The following FGF14 variants were observed in gnomAD, a reference collection of about 807,000 sequenced individuals.
The protein encoded by FGF14 is fibroblast growth factor homologous factor 4.
A neutral mutation model predicts 25.5 loss-of-function variants in FGF14; 5 were observed. The ratio of observed to expected loss-of-function variants is 0.20; its 90% CI spans 0.10 to 0.41. FGF14 has a LOEUF of 0.41. FGF14 is among the 10% of genes least tolerant of loss of function. FGF14 has a pLI of 1.00. For missense variants in FGF14, 222 were observed against 320.1 expected (o/e 0.69, Z 2.34); for synonymous variants, 138 against 118.3 (o/e 1.17, Z -1.08).
intron 1 of FGF14, among the ~76,000 whole-genome samples, chr13:102,252,026 G>A (rs1594587856): frequency 6.6e-6 from 1 of 152,158 alleles, no homozygotes; most frequent in East Asian, 1.9e-4. Context: ...CAGTCACAAT[G>A]TTTTACTGAT....
At chr13:101,961,372 T>C (rs2139459873) in intron 1 of FGF14, among the ~76,000 whole-genome samples, 1 of 152,306 alleles carries the variant, frequency 6.6e-6, no homozygotes, top group African/African-American at 2.4e-5. Context: ...GTAATACATG[T>C]AAGGAAGAGG....
intron 1 of FGF14, among the ~76,000 whole-genome samples, chr13:102,038,020 G>A (rs759364714): frequency 2.6e-5 from 4 of 152,118 alleles, no homozygotes; most frequent in Non-Finnish European, 5.9e-5. Context: ...GGTGGAAGAG[G>A]TGAGGTACAG....
At chr13:101,889,668 C>A (rs1173398140) in intron 1 of FGF14, among the ~76,000 whole-genome samples, 1 of 152,170 alleles carries the variant, frequency 6.6e-6, no homozygotes, top group Non-Finnish European at 1.5e-5. Flanking sequence ...GGGAACTTCA[C>A]GATGTACTTT....
intron 1 of FGF14, among the ~76,000 whole-genome samples, chr13:102,249,568 G>A (rs1324086775): frequency 6.6e-6 from 1 of 152,040 alleles, no homozygotes; most frequent in Non-Finnish European, 1.5e-5. Context: ...GTGTGTGTGT[G>A]TGTGTGTGTA....
chr13:101,999,947 C>CT (rs1337041783), intron 1 of FGF14, among the ~76,000 whole-genome samples: 2 of 152,156 alleles, frequency 1.3e-5, no homozygotes, highest in East Asian at 3.8e-4. Context: ...ATTCTTAACT[C>CT]TGAGATTTAA....
At chr13:101,914,662 T>A (rs1273937846) in intron 1 of FGF14, among the ~76,000 whole-genome samples, 1 of 152,212 alleles carries the variant, frequency 6.6e-6, no homozygotes, top group Non-Finnish European at 1.5e-5. Context: ...AAATCCTCCT[T>A]CGCCACCCAA....
intron 3 of FGF14, among the ~76,000 whole-genome samples, chr13:101,863,418 G>A (rs1460360991): frequency 6.6e-6 from 1 of 152,094 alleles, no homozygotes; most frequent in Admixed American, 6.6e-5. Context: ...CAGTTTATTT[G>A]ATTAAGCACA....
chr13:102,075,787 G>C (rs1380826646), intron 1 of FGF14, among the ~76,000 whole-genome samples: 1 of 152,138 alleles, frequency 6.6e-6, no homozygotes, highest in African/African-American at 2.4e-5. Flanking sequence ...TTTCCAGTGG[G>C]ACAAGATGTG....
At chr13:102,027,417 T>C (rs1595042311) in intron 1 of FGF14, among the ~76,000 whole-genome samples, 1 of 151,950 alleles carries the variant, frequency 6.6e-6, no homozygotes, top group East Asian at 1.9e-4. Context: ...GAAAGGGGGA[T>C]ACATAAGCAA....
intron 1 of FGF14, among the ~76,000 whole-genome samples, chr13:102,179,464 G>T (rs1305013384): frequency 6.6e-6 from 1 of 152,050 alleles, no homozygotes; most frequent in Non-Finnish European, 1.5e-5. Flanking sequence ...TTCCTTAACA[G>T]ATACGTGCAG....
At chr13:101,897,940 G>A (rs906498356) in intron 1 of FGF14, among the ~76,000 whole-genome samples, 3 of 151,934 alleles carry the variant, frequency 2.0e-5, no homozygotes, top group Admixed American at 6.6e-5. Flanking sequence ...TGTTGCCCAG[G>A]CTGGAGTGCA....
At chr13:102,010,460 C>T (rs995375710) in intron 1 of FGF14, among the ~76,000 whole-genome samples, 11 of 151,816 alleles carry the variant, frequency 7.2e-5, no homozygotes, top group African/African-American at 2.4e-4. Flanking sequence ...TGCCCAGAAT[C>T]GGATTCCTGT....
At chr13:101,969,877 G>A (rs2037489891) in intron 1 of FGF14, among the ~76,000 whole-genome samples, 2 of 152,180 alleles carry the variant, frequency 1.3e-5, no homozygotes, top group African/African-American at 4.8e-5. Flanking sequence ...GACAATGAGT[G>A]CCTTTAAAGG....
rs1537924 is a variant in FGF14 at position 102,354,744 on chromosome 13, T to G, written c.208+46727A>C. Among the ~76,000 whole-genome samples the G allele has an allele frequency of 5.5e-3, 838 of 152,318 alleles. 11 individuals carry two copies. Among genetic ancestry groups the G allele is most frequent in the African/African-American group, 0.019 (799 of 41,558 alleles). ...TGATTGAGTCCTATCTCAGATACTT[T>G]TGGTTCACAACTTCATCAATATTGT... is the stretch of plus-strand genomic sequence containing the variant. On this transcript the variant is annotated intron_variant, in intron 1 of 4. Coordinates refer to the FGF14 transcript ENST00000376131.
At chr13:102,237,308 T>C (rs996775641) in intron 1 of FGF14, among the ~76,000 whole-genome samples, 8 of 152,146 alleles carry the variant, frequency 5.3e-5, no homozygotes, top group African/African-American at 1.9e-4. Flanking sequence ...GTTCCCTGCA[T>C]CCGAGCAGCA....
intron 1 of FGF14, among the ~76,000 whole-genome samples, chr13:102,349,644 T>A (rs935868194): frequency 2.6e-5 from 4 of 152,232 alleles, no homozygotes; most frequent in African/African-American, 9.6e-5. Context: ...ACTTTCTTTT[T>A]ATCAATAGAA....
intron 1 of FGF14, among the ~76,000 whole-genome samples, chr13:102,302,619 C>T (rs1308041129): frequency 6.6e-6 from 1 of 152,180 alleles, no homozygotes; most frequent in African/African-American, 2.4e-5. Flanking sequence ...TGTTGCATGT[C>T]TGAACCCAGA....
At chr13:102,274,177 A>C (rs1433150458) in intron 1 of FGF14, among the ~76,000 whole-genome samples, 1 of 152,010 alleles carries the variant, frequency 6.6e-6, no homozygotes, top group East Asian at 1.9e-4. Flanking sequence ...GGCTAGCTAC[A>C]CATGGGGCTC....
chr13:102,374,031 A>T (rs1381285537), intron 1 of FGF14, among the ~76,000 whole-genome samples: 1 of 152,144 alleles, frequency 6.6e-6, no homozygotes, highest in East Asian at 1.9e-4. Context: ...ATTGGATGGA[A>T]AGCTGGAATA....
Sources: gnomAD v4.1 joint callset for allele counts (sites outside exome capture counted in the v4.1 genomes callset) on GRCh38, gnomAD v4.1.1 for gene constraint, MANE v1.5 for transcripts, NCBI Gene and HGNC (gene_info 2026-07-23, HGNC 2026-07-21) for gene names.